Variants in TERF2IP observed in about 807,000 individuals in gnomAD.
TERF2IP encodes TERF2 interacting protein.
In TERF2IP, 35 loss-of-function variants were observed where a neutral mutation model predicts 33.3. The ratio of observed to expected loss-of-function variants is 1.05; its 90% CI spans 0.80 to 1.39. The LOEUF is 1.39. Ranked by LOEUF, TERF2IP falls within the 40% of genes most tolerant of loss-of-function variation. The probability of loss-of-function intolerance (pLI) is 0.00; values close to 1 mark genes in which losing one functional copy is unlikely to be tolerated. For missense variants in TERF2IP, 583 were observed against 524.8 expected, an observed-to-expected ratio of 1.11 and a Z score of -1.08; for synonymous variants, 253 against 223.2, an observed-to-expected ratio of 1.13 and a Z score of -1.19.
chr16:75,656,568 G>T lies in TERF2IP; in HGVS notation c.1157G>T (p.Gly386Val), dbSNP rs1194353201. 6.2e-7 allele frequency: 1 copy of T among 1,612,940 alleles called. No homozygotes were observed. Among genetic ancestry groups the T allele is most frequent in the South Asian group, 1.1e-5 (1 of 90,810 alleles). The change falls in exon 3 of 3, where the codon GGT (glycine) becomes GTT (valine). Residue 386 changes from glycine to valine, a missense_variant. By Grantham distance (109) the Gly-to-Val change is moderately radical. Coordinates refer to ENST00000300086, the MANE Select transcript of TERF2IP (RefSeq NM_018975.4). ...DTREALVKKF[G>V]AQNVARRIEF... is the part of the protein sequence containing the mutation. ...AGAGAGGCATTGGTCAAAAAATTTG[G>T]TGCTCAGAATGTAGCTCGGAGGATT... is the stretch of plus-strand genomic sequence containing the variant.
At chr16:75,650,632 C>G (rs902662351) in intron 1 of TERF2IP, among the ~76,000 whole-genome samples, 1 of 152,114 alleles carries the variant, frequency 6.6e-6, no homozygotes, top group South Asian at 2.1e-4. Flanking sequence ...ACTTCCCAGG[C>G]TCAGTGGATC....
At position 75,651,361 on chromosome 16, in the gene TERF2IP, G is replaced by A. The variant is rs141396533; in HGVS notation, c.670+2809G>A. Among the ~76,000 whole-genome samples the A allele has an allele frequency of 2.3e-3, 346 of 152,232 alleles. 1 individual carries two copies. Among genetic ancestry groups the A allele is most frequent in the African/African-American group, 7.7e-3 (321 of 41,546 alleles). ...CAGAAAAGGAAATAAATAAGCGGCCGATAAACAAATGAAGAAATAGTCTGT... is the reference window on the plus strand; with the variant it reads ...CAGAAAAGGAAATAAATAAGCGGCCAATAAACAAATGAAGAAATAGTCTGT... On this transcript the variant is annotated intron_variant, in intron 1 of 2. Transcript: ENST00000300086.
chr16:75,654,230 A>G (rs1334325916), intron 1 of TERF2IP, 43 bp from the exon 2 acceptor site: 7 of 1,537,774 alleles, frequency 4.6e-6, no homozygotes, highest in Non-Finnish European at 5.3e-6. Flanking sequence ...TGGTTTATGT[A>G]AAAGAGGCTA....
Position 75,648,069 on chromosome 16 carries a change from C to A in TERF2IP, c.187C>A (p.Leu63Met). 6.3e-7 allele frequency: 1 copy of A among 1,586,282 alleles called. No homozygotes were observed. The highest frequency in any genetic ancestry group is 2.3e-5 in the East Asian group (1 of 43,752). The stretch of plus-strand genomic sequence containing the variant: ...CCGAGTGCAGGAGCCCGGGGCCGTG[C>A]TGCTGGCCCAGCCCGGGGAGGCGCT... ...VCRVQEPGAVLLAQPGEALAE... is the reference protein window; with the variant it reads ...VCRVQEPGAVMLAQPGEALAE... Residue 63 changes from leucine to methionine, a missense_variant, in exon 1 of 3, where the codon CTG becomes ATG. Leu to Met is a conservative substitution (Grantham distance 15). Transcript: ENST00000300086.
chr16:75,648,106 C>T lies in TERF2IP; in HGVS notation c.224C>T (p.Ser75Leu), dbSNP rs1376056230. The T allele has an allele frequency of 6.4e-7, 1 of 1,557,678 alleles. No homozygotes were observed. Among genetic ancestry groups the T allele is most frequent in the Admixed American group, 2.0e-5 (1 of 50,198 alleles). Reference protein sequence around the residue: ...AQPGEALAEASGDFISTQYIL... With the variant: ...AQPGEALAEALGDFISTQYIL... ...CCCGGGGAGGCGCTGGCCGAGGCCT[C>T]GGGTGATTTCATCTCCACGCAGTAC... The change falls in exon 1 of 3, where the codon TCG becomes TTG. Residue 75 changes from serine (S) to leucine (L), a missense_variant. Coordinates refer to ENST00000300086, the MANE Select transcript of TERF2IP (RefSeq NM_018975.4).
intron 2 of TERF2IP, among the ~76,000 whole-genome samples, chr16:75,655,972 C>T (rs1392577251): frequency 6.6e-6 from 1 of 152,140 alleles, no homozygotes; most frequent in Non-Finnish European, 1.5e-5. Flanking sequence ...TATACTCCCC[C>T]TACCCCTCAC....
In TERF2IP at chr16:75,648,451, G is replaced by T; in HGVS notation, c.569G>T (p.Gly190Val). 1 of 1,601,298 alleles carries T rather than the reference G, an allele frequency of 6.2e-7. No individual in the cohort carries two copies. Among genetic ancestry groups the T allele is most frequent in the East Asian group, 2.3e-5 (1 of 44,412 alleles). Residue 190 changes from glycine to valine, a missense_variant, in exon 1 of 3, where the codon GGC (glycine) becomes GTC (valine). Gly to Val is a moderately radical substitution (Grantham distance 109). Transcript: ENST00000300086. ...GACCGCTACCTCAAGCACCTGCGGG[G>T]CCAGGAGCATAAGTACCTGCTGGGG... ...LKDRYLKHLR[G>V]QEHKYLLGDA...
intron 1 of TERF2IP, among the ~76,000 whole-genome samples, chr16:75,649,945 C>T (rs781000913): frequency 3.3e-5 from 5 of 152,194 alleles, no homozygotes; most frequent in South Asian, 4.1e-4. Flanking sequence ...CCTCCCCCTC[C>T]GTAATCCTCC....
chr16:75,654,966 G>T (rs928892630), intron 2 of TERF2IP, among the ~76,000 whole-genome samples: 4 of 152,064 alleles, frequency 2.6e-5, no homozygotes, highest in Non-Finnish European at 5.9e-5. Context: ...CTGACCTCGT[G>T]ATCCGCCCGC....
At chr16:75,648,828 A>G (rs2082324562) in intron 1 of TERF2IP, 2 of 823,434 alleles carry the variant, frequency 2.4e-6, no homozygotes, top group South Asian at 6.5e-5. Context: ...TGTTGGGATT[A>G]CAGGAGTGAG....
rs753883130 is a variant in TERF2IP, at chr16:75,656,484, G to A, written c.1073G>A (p.Gly358Glu). ...TTAGCGTCTGGTCAGAGAGCTGATG[G>A]ATATCCCATTTGGTCCCGACAAGAT... ...AFLASGQRAD[G>E]YPIWSRQDDI... The change falls in exon 3 of 3, where the codon GGA (glycine) becomes GAA (glutamate). Residue 358 changes from glycine (G) to glutamate (E), a missense_variant. By Grantham distance (98) the Gly-to-Glu change is moderately conservative (BLOSUM62 -2). Transcript: ENST00000300086. 7 of 1,614,226 alleles carry A rather than the reference G, an allele frequency of 4.3e-6. No individual in the cohort carries two copies. Among genetic ancestry groups the A allele is most frequent in the South Asian group, 1.1e-5 (1 of 91,082 alleles).
chr16:75,656,246 A>T lies in TERF2IP; in HGVS notation c.835A>T (p.Met279Leu). 1 of 1,613,874 alleles carries T rather than the reference A, an allele frequency of 6.2e-7. No homozygotes were observed. Among genetic ancestry groups the T allele is most frequent in the Non-Finnish European group, 8.5e-7 (1 of 1,179,968 alleles). ...SPPDFEIHIT[M>L]CDDDPPTPEE... ...TCCTGATTTTGAAATACATATAACTATGTGTGATGATGATCCACCCACACC... is the reference window on the plus strand; with the variant it reads ...TCCTGATTTTGAAATACATATAACTTTGTGTGATGATGATCCACCCACACC... Residue 279 changes from methionine to leucine, a missense_variant, in exon 3 of 3, where the codon ATG (methionine) becomes TTG (leucine). Met to Leu is a conservative substitution (Grantham distance 15, BLOSUM62 2). Transcript: ENST00000300086.
At position 75,647,845 on chromosome 16, in the gene TERF2IP, C is replaced by A. The variant is rs1865493; in HGVS notation, c.-38C>A. Reference sequence around the variant, plus strand: ...TTGAGCTCTGTGTGCCAGGCGCTCGCGAGGGGGTAGCTCTTCTAGTAGTGC... The same window carrying A: ...TTGAGCTCTGTGTGCCAGGCGCTCGAGAGGGGGTAGCTCTTCTAGTAGTGC... On this transcript the variant is annotated 5_prime_UTR_variant, in exon 1 of 3. Transcript: ENST00000300086. 1.9e-6 allele frequency: 3 copies of A among 1,594,844 alleles called. No homozygotes were observed. The highest frequency in any genetic ancestry group is 2.7e-5 in the African/African-American group (2 of 74,340).
intron 1 of TERF2IP, among the ~76,000 whole-genome samples, chr16:75,649,476 G>A (rs1327217381): frequency 6.6e-6 from 1 of 151,932 alleles, no homozygotes; most frequent in Non-Finnish European, 1.5e-5. Flanking sequence ...CCCGGGGGGC[G>A]GAGGTTGCAG....
At chr16:75,651,707 A>G (rs986289970) in intron 1 of TERF2IP, among the ~76,000 whole-genome samples, 2 of 152,102 alleles carry the variant, frequency 1.3e-5, no homozygotes, top group Non-Finnish European at 2.9e-5. Flanking sequence ...AAAAAGAAGA[A>G]GAAAGAAAGT....
chr16:75,653,437 A>G (rs2082361419), intron 1 of TERF2IP, among the ~76,000 whole-genome samples: 1 of 152,318 alleles, frequency 6.6e-6, no homozygotes, highest in East Asian at 1.9e-4. Context: ...TGTAACCAGC[A>G]CCCACATTGG....
chr16:75,648,643 T>G, intron 1 of TERF2IP, 91 bp downstream of exon 1: 1 of 1,441,106 alleles, frequency 6.9e-7, no homozygotes, highest in Non-Finnish European at 9.1e-7. Context: ...CTTGGCATCT[T>G]CGGTAGCAGC....
intron 1 of TERF2IP, among the ~76,000 whole-genome samples, chr16:75,653,191 T>C (rs1386024072): frequency 6.6e-6 from 1 of 152,246 alleles, no homozygotes; most frequent in Non-Finnish European, 1.5e-5. Flanking sequence ...TATTTCCATC[T>C]TTTGTTTATT....
chr16:75,648,573 G>T, intron 1 of TERF2IP, 21 bp downstream of exon 1: 2 of 1,515,086 alleles, frequency 1.3e-6, no homozygotes. Flanking sequence ...TGAGCGCGGG[G>T]CCTCGCGGAT....
Sources: gnomAD v4.1 joint callset for allele counts (sites outside exome capture counted in the v4.1 genomes callset) on GRCh38, gnomAD v4.1.1 for gene constraint, MANE v1.5 for transcripts, NCBI Gene and HGNC (gene_info 2026-07-23, HGNC 2026-07-21) for gene names.